The following CATSPERT variants were observed in gnomAD, a reference collection of about 807,000 sequenced individuals.
The protein encoded by CATSPERT is cation channel sperm-associated targeting subunit tau.
the CATSPERT span, among the ~76,000 whole-genome samples, chr2:201,563,469 A>AC: frequency 2.3e-3 from 161 of 69,588 alleles, 36 homozygotes; most frequent in East Asian, 0.011. Context: ...CGGGGGGCTG[A>AC]CCCCCCACCT....
At chr2:201,518,006 TAC>T in the CATSPERT span, among the ~76,000 whole-genome samples, 1,377 of 152,252 alleles carry the variant, frequency 9.0e-3, 20 homozygotes, top group African/African-American at 0.031. Flanking sequence ...CTCTAATCAG[TAC>T]AGATTCATAG....
chr2:201,596,624 A>G, the CATSPERT span, among the ~76,000 whole-genome samples: 716 of 152,340 alleles, frequency 4.7e-3, 6 homozygotes, highest in African/African-American at 0.016. Flanking sequence ...ACTATATGTT[A>G]TAAATTGAGT....
the CATSPERT span, among the ~76,000 whole-genome samples, chr2:201,507,091 T>A: frequency 6.6e-6 from 1 of 152,136 alleles, no homozygotes; most frequent in African/African-American, 2.4e-5. Context: ...AACAAAACTG[T>A]GCTTAATGGA....
At chr2:201,578,378 T>G in the CATSPERT span, among the ~76,000 whole-genome samples, 35 of 152,240 alleles carry the variant, frequency 2.3e-4, no homozygotes, top group African/African-American at 7.7e-4. Context: ...GGTTGTCATA[T>G]GCATTACCTC....
At chr2:201,575,016 T>A in the CATSPERT span, among the ~76,000 whole-genome samples, 1 of 149,014 alleles carries the variant, frequency 6.7e-6, no homozygotes, top group Non-Finnish European at 1.5e-5. Flanking sequence ...ATTTCTAATT[T>A]TCTTTATCAC....
chr2:201,527,638 G>A, the CATSPERT span, among the ~76,000 whole-genome samples: 1 of 151,994 alleles, frequency 6.6e-6, no homozygotes, highest in African/African-American at 2.4e-5. Context: ...TGACAAAGTC[G>A]ACAATAACAA....
At chr2:201,591,215 T>C in the CATSPERT span, among the ~76,000 whole-genome samples, 1 of 151,988 alleles carries the variant, frequency 6.6e-6, no homozygotes, top group East Asian at 1.9e-4. Context: ...CTAGCCAGTT[T>C]TCCCAGCACC....
the CATSPERT span, among the ~76,000 whole-genome samples, chr2:201,580,516 C>T: frequency 6.6e-6 from 1 of 152,104 alleles, no homozygotes; most frequent in South Asian, 2.1e-4. Context: ...CCTTTTTCTT[C>T]CTATGCCACA....
chr2:201,487,578 A>C, the CATSPERT span: 1 of 1,576,562 alleles, frequency 6.3e-7, no homozygotes, highest in Non-Finnish European at 8.7e-7. Flanking sequence ...TGAGTTAAAC[A>C]TGTTTTATAA....
At chr2:201,503,331 G>C in the CATSPERT span, among the ~76,000 whole-genome samples, 1 of 152,138 alleles carries the variant, frequency 6.6e-6, no homozygotes, top group Admixed American at 6.5e-5. Flanking sequence ...GGGCTCAAAT[G>C]ATCTTCCTGC....
the CATSPERT span, among the ~76,000 whole-genome samples, chr2:201,508,815 CTTTT>C: frequency 3.4e-5 from 5 of 147,350 alleles, no homozygotes; most frequent in South Asian, 2.2e-4. Flanking sequence ...GACGAGATTT[CTTTT>C]TTTTTTTTAA....
chr2:201,492,763 C>G, the CATSPERT span: 1 of 1,535,402 alleles, frequency 6.5e-7, no homozygotes, highest in Non-Finnish European at 8.7e-7. Context: ...ACTGTTTGGC[C>G]CTTTCTGCTC....
the CATSPERT span, among the ~76,000 whole-genome samples, chr2:201,498,083 A>G: frequency 1.3e-5 from 2 of 152,186 alleles, no homozygotes. Context: ...CAGTGTATTA[A>G]TCAGGGTTCT....
the CATSPERT span, among the ~76,000 whole-genome samples, chr2:201,585,321 C>A: frequency 6.7e-6 from 1 of 149,848 alleles, no homozygotes; most frequent in East Asian, 2.0e-4. Context: ...CACCATGGCA[C>A]GTGTATACCT....
At chr2:201,552,053 C>T in the CATSPERT span, among the ~76,000 whole-genome samples, 190 of 151,286 alleles carry the variant, frequency 1.3e-3, no homozygotes, top group African/African-American at 4.4e-3. Flanking sequence ...TGCAGTGGTG[C>T]GATCTCGGCC....
the CATSPERT span, among the ~76,000 whole-genome samples, chr2:201,561,337 T>A: frequency 6.6e-6 from 1 of 152,182 alleles, no homozygotes; most frequent in African/African-American, 2.4e-5. Context: ...TATTTAAGCA[T>A]CCTACATATA....
chr2:201,535,689 A>G, the CATSPERT span: 2 of 1,229,040 alleles, frequency 1.6e-6, no homozygotes, highest in Non-Finnish European at 2.0e-6. Flanking sequence ...CTTGATTGAT[A>G]TAAGTAAAGC....
At chr2:201,612,526 A>T in the CATSPERT span, among the ~76,000 whole-genome samples, 2 of 149,030 alleles carry the variant, frequency 1.3e-5, no homozygotes, top group Admixed American at 6.8e-5. Flanking sequence ...GTGAGCTGAG[A>T]TCATGCCACT....
the CATSPERT span, among the ~76,000 whole-genome samples, chr2:201,606,184 T>C: frequency 6.6e-6 from 1 of 152,222 alleles, no homozygotes; most frequent in African/African-American, 2.4e-5. Context: ...AAAATCTGTA[T>C]GTGGATAGGA....
Sources: allele counts gnomAD v4.1 joint callset (sites outside exome capture counted in the v4.1 genomes callset), GRCh38; gene constraint gnomAD v4.1.1; transcripts MANE v1.5; gene names NCBI Gene and HGNC (gene_info 2026-07-23, HGNC 2026-07-21).